Variants in KIAA0586 observed in about 807,000 individuals in gnomAD.
The protein encoded by KIAA0586 is protein TALPID3.
In KIAA0586, 144 loss-of-function variants were observed where a neutral mutation model predicts 169.8. The ratio of observed to expected loss-of-function variants is 0.85; its 90% CI spans 0.74 to 0.97. The LOEUF (loss-of-function observed/expected upper bound fraction) is 0.97. Among genes scored for constraint, KIAA0586 ranks in the 50% least tolerant of loss-of-function variants. KIAA0586 has a pLI of 0.00. For missense variants in KIAA0586, 1,854 were observed against 1,823.0 expected (o/e 1.02, Z -0.31); for synonymous variants, 625 against 612.4 (o/e 1.02, Z -0.30).
At chr14:58,510,395 A>G (rs2044303823) in intron 28 of KIAA0586, among the ~76,000 whole-genome samples, 1 of 152,168 alleles carries the variant, frequency 6.6e-6, no homozygotes, top group Non-Finnish European at 1.5e-5. Context: ...TTCTCAGCAG[A>G]GTTAGTCATT....
intron 21 of KIAA0586, among the ~76,000 whole-genome samples, chr14:58,484,904 A>ATATATATTTT (rs1566876980): frequency 0.017 from 73 of 4,178 alleles, 5 homozygotes; most frequent in South Asian, 0.036. Flanking sequence ...ATATATATAT[A>ATATATATTTT]TATATATATA....
At chr14:58,439,512 A>G (rs1037704196) in intron 4 of KIAA0586, among the ~76,000 whole-genome samples, 1 of 151,856 alleles carries the variant, frequency 6.6e-6, no homozygotes, top group Admixed American at 6.6e-5. Flanking sequence ...CATCTGTAAA[A>G]TTAGGAAATT....
chr14:58,530,867 C>G lies in KIAA0586; in HGVS notation c.4430-9204C>G, dbSNP rs140631641. 4.7e-3 allele frequency among the ~76,000 whole-genome samples: 716 copies of G among 152,254 alleles called. 3 individuals are homozygous for G. The highest frequency in any genetic ancestry group is 7.1e-3 in the Non-Finnish European group (483 of 68,030). ...GGGATCTAATTAAACTAAAGAGCTT[C>G]TGCACAGCAAAAGAAACTATCATCA... On this transcript the variant is annotated intron_variant, in intron 29 of 30. Coordinates refer to ENST00000652326, the MANE Select transcript of KIAA0586 (RefSeq NM_001329943.3).
intron 6 of KIAA0586, among the ~76,000 whole-genome samples, chr14:58,447,250 A>AC (rs2038970890): frequency 6.6e-6 from 1 of 152,030 alleles, no homozygotes; most frequent in African/African-American, 2.4e-5. Context: ...AAAACTATAA[A>AC]TTTTTTTAGG....
At chr14:58,554,225 C>T (rs1412562974), downstream of KIAA0586, among the ~76,000 whole-genome samples, 2 of 151,474 alleles carry the variant, frequency 1.3e-5, no homozygotes, top group Non-Finnish European at 2.9e-5. Flanking sequence ...ATGTCCAAGC[C>T]CAGACTCAAA....
At chr14:58,470,569 G>A (rs757925198) in intron 16 of KIAA0586, 44 bp from the exon 17 acceptor site, 5 of 1,184,876 alleles carry the variant, frequency 4.2e-6, no homozygotes, top group Non-Finnish European at 3.7e-6. Context: ...AAATATTTGA[G>A]TAAAAATGAT....
In KIAA0586 at chr14:58,482,461, T is replaced by C. The variant is rs2042101250; in HGVS notation, c.2945-52T>C. The C allele has an allele frequency of 2.4e-6, 3 of 1,228,916 alleles. No homozygotes were observed. In the South Asian group the frequency reaches 6.3e-5, roughly 26 times the overall value. 76.1% of individuals were successfully genotyped at this position (1,228,916 alleles called of 1,614,324 possible). A position where few individuals can be genotyped will look rare whatever the true frequency, so the allele number is the denominator to read the frequency against. Reference sequence around the variant, plus strand: ...ATAATAATAATAATGAAAGTTTGAATTGCAAGCATGTTTCTTGCCCACTTA... The same window carrying C: ...ATAATAATAATAATGAAAGTTTGAACTGCAAGCATGTTTCTTGCCCACTTA... On this transcript the variant is annotated intron_variant, in intron 20 of 30. Coordinates refer to ENST00000652326, the MANE Select transcript of KIAA0586 (RefSeq NM_001329943.3).
rs559791154 is a variant in KIAA0586 at position 58,478,180 on chromosome 14, C to A, written c.2944+939C>A. Among the ~76,000 whole-genome samples, 21 of 152,200 alleles carry A rather than the reference C, an allele frequency of 1.4e-4. No homozygotes were observed. The South Asian group carries it at 4.2e-3, about 30-fold the overall frequency. ...GACCATAGGTGTGCACCACCATGCC[C>A]AGCTAAAAATCATTTTGGGTCCAGG... On this transcript the variant is annotated intron_variant, in intron 20 of 30. Coordinates refer to ENST00000652326, the MANE Select transcript of KIAA0586 (RefSeq NM_001329943.3).
intron 16 of KIAA0586, among the ~76,000 whole-genome samples, chr14:58,470,038 A>G (rs1025514041): frequency 1.3e-5 from 2 of 151,338 alleles, no homozygotes; most frequent in African/African-American, 4.9e-5. Flanking sequence ...ATATCTGGCT[A>G]TCTAGTATAG....
chr14:58,500,785 G>A (rs2043514038), intron 27 of KIAA0586, among the ~76,000 whole-genome samples: 1 of 151,322 alleles, frequency 6.6e-6, no homozygotes. Flanking sequence ...ATTTTAAACA[G>A]TGAAATCACC....
intron 4 of KIAA0586, chr14:58,439,931 A>C: frequency 2.0e-6 from 1 of 505,326 alleles, no homozygotes; most frequent in Non-Finnish European, 2.6e-6. Context: ...TTGAGGCCAA[A>C]TACCGAGCAA....
intron 2 of KIAA0586, among the ~76,000 whole-genome samples, 193 bp from the exon 3 acceptor site, chr14:58,430,455 A>G (rs964617695): frequency 1.3e-5 from 2 of 152,322 alleles, no homozygotes; most frequent in East Asian, 1.9e-4. Flanking sequence ...CTGATAGTGT[A>G]TTACTCACCC....
intron 29 of KIAA0586, among the ~76,000 whole-genome samples, chr14:58,525,489 C>A (rs2045519270): frequency 6.6e-6 from 1 of 152,044 alleles, no homozygotes; most frequent in South Asian, 2.1e-4. Flanking sequence ...CCAAGTGAAT[C>A]CATGAGGGAC....
At chr14:58,485,921 G>C (rs1259675005) in intron 21 of KIAA0586, among the ~76,000 whole-genome samples, 1 of 152,060 alleles carries the variant, frequency 6.6e-6, no homozygotes, top group Non-Finnish European at 1.5e-5. Flanking sequence ...CTTCATGTCT[G>C]TAACTGGGTT....
intron 10 of KIAA0586, among the ~76,000 whole-genome samples, chr14:58,457,255 A>G (rs1382671176): frequency 6.6e-6 from 1 of 151,694 alleles, no homozygotes. Context: ...TTTATTTAAC[A>G]CTCACATTAG....
downstream of KIAA0586, among the ~76,000 whole-genome samples, chr14:58,554,275 G>A (rs1845225593): frequency 1.3e-5 from 2 of 152,074 alleles, 1 homozygote; most frequent in South Asian, 4.2e-4. Context: ...GGGCAGATTT[G>A]TATAGTCGCA....
chr14:58,531,162 CAAAAA>C (rs749963379), intron 29 of KIAA0586, among the ~76,000 whole-genome samples: 1 of 104,124 alleles, frequency 9.6e-6, no homozygotes, highest in Non-Finnish European at 2.0e-5. Context: ...CTAAAATGTA[CAAAAA>C]AAAAAAAAAA....
chr14:58,467,731 T>G lies in KIAA0586; in HGVS notation c.2255-4T>G. The G allele has an allele frequency of 6.3e-7, 1 of 1,598,646 alleles. No individual in the cohort carries two copies. Among genetic ancestry groups the G allele is most frequent in the Admixed American group, 1.8e-5 (1 of 56,510 alleles). ...TGACTTATTTTTTCTCCTAAACTTC[T>G]TAGGACAAACCCAAAGTAATAGTGA... On this transcript the variant is annotated splice_region_variant and splice_polypyrimidine_tract_variant and intron_variant, in intron 15 of 30. Transcript: ENST00000652326.
intron 29 of KIAA0586, among the ~76,000 whole-genome samples, chr14:58,538,318 C>T (rs1324173394): frequency 6.6e-6 from 1 of 152,152 alleles, no homozygotes; most frequent in African/African-American, 2.4e-5. Context: ...GAATGTTTAT[C>T]TCCAGTGAGA....
Sources: gnomAD v4.1 joint callset for allele counts (sites outside exome capture counted in the v4.1 genomes callset) on GRCh38, gnomAD v4.1.1 for gene constraint, MANE v1.5 for transcripts, NCBI Gene and HGNC (gene_info 2026-07-23, HGNC 2026-07-21) for gene names.